KDM4C: variants seen among roughly 807,000 people sequenced by gnomAD.
KDM4C encodes lysine-specific demethylase 4C.
A neutral mutation model predicts 129.3 loss-of-function variants in KDM4C; 81 were observed. The observed-to-expected ratio is 0.63, with a 90% confidence interval of 0.52 to 0.75. The LOEUF is 0.75. Among genes scored for constraint, KDM4C ranks in the 30% least tolerant of loss-of-function variants. The pLI, the probability that KDM4C is intolerant of heterozygous loss-of-function variation, is 0.00. For synonymous variants in KDM4C, 573 were observed against 456.1 expected, an observed-to-expected ratio of 1.26 and a Z score of -3.26; for missense variants, 1,457 against 1,304.0, an observed-to-expected ratio of 1.12 and a Z score of -1.81.
chr9:6,880,119 G>A (rs1009421367), intron 6 of KDM4C, 58 bp downstream of exon 6: 2 of 1,162,234 alleles, frequency 1.7e-6, no homozygotes, highest in Non-Finnish European at 2.5e-6. Flanking sequence ...TGTTTTGTAG[G>A]TTCTTTGTTT....
chr9:7,105,715 T>G (rs1290209803), intron 18 of KDM4C, among the ~76,000 whole-genome samples: 1 of 152,198 alleles, frequency 6.6e-6, no homozygotes. Context: ...CATTACCGTT[T>G]TAATATTCCA....
intron 5 of KDM4C, among the ~76,000 whole-genome samples, chr9:6,861,517 A>G (rs1409446187): frequency 6.6e-6 from 1 of 152,224 alleles, no homozygotes; most frequent in Non-Finnish European, 1.5e-5. Flanking sequence ...AAAACTGCTT[A>G]TTAGAAATGT....
chr9:6,881,848 A>T (rs992433869), intron 6 of KDM4C, among the ~76,000 whole-genome samples: 1 of 152,238 alleles, frequency 6.6e-6, no homozygotes, highest in Non-Finnish European at 1.5e-5. Flanking sequence ...AAATAATTGA[A>T]TTCTGCTAAA....
intron 12 of KDM4C, among the ~76,000 whole-genome samples, chr9:6,991,307 C>G (rs560584138): frequency 8.9e-4 from 136 of 152,136 alleles, no homozygotes; most frequent in Middle Eastern, 3.4e-3. Context: ...TAGTCTTGAA[C>G]TCCTGAGCTC....
At chr9:6,876,362 A>G (rs761612211) in intron 5 of KDM4C, among the ~76,000 whole-genome samples, 10 of 152,176 alleles carry the variant, frequency 6.6e-5, no homozygotes, top group Non-Finnish European at 1.0e-4. Flanking sequence ...CTGACAGTGT[A>G]TAATGAGCTC....
rs571879539 is a variant in KDM4C, at chr9:7,169,322, T to C, written c.2902-476T>C. On this transcript the variant is annotated intron_variant, in intron 20 of 21. Coordinates refer to ENST00000381309, the MANE Select transcript of KDM4C (RefSeq NM_015061.6). ...TTTTGGCCTGTTTTGAAATGTATTT[T>C]GTATTTAGTTTATTTATTTATTTTT... Among the ~76,000 whole-genome samples, 160 of 152,294 alleles carry C rather than the reference T, an allele frequency of 1.1e-3. 3 individuals carry two copies. The South Asian group carries it at 0.031, about 30-fold the overall frequency.
intron 17 of KDM4C, chr9:7,076,587 T>C: frequency 9.5e-6 from 14 of 1,479,726 alleles, no homozygotes; most frequent in Non-Finnish European, 1.3e-5. Flanking sequence ...GCCAGCATCG[T>C]GTTTAGGATG....
chr9:6,857,751 T>C (rs1348409973), intron 5 of KDM4C, among the ~76,000 whole-genome samples: 1 of 149,540 alleles, frequency 6.7e-6, no homozygotes, highest in African/African-American at 2.4e-5. Context: ...AGTAGCCAGC[T>C]GTACTTTTTT....
chr9:7,160,920 C>A (rs1376549594), intron 19 of KDM4C, among the ~76,000 whole-genome samples: 1 of 152,250 alleles, frequency 6.6e-6, no homozygotes, highest in Non-Finnish European at 1.5e-5. Context: ...TTTTGTTCAG[C>A]TATGCCCTGC....
At chr9:6,753,235 A>C (rs1477806248), upstream of KDM4C, among the ~76,000 whole-genome samples, 1 of 152,182 alleles carries the variant, frequency 6.6e-6, no homozygotes, top group Non-Finnish European at 1.5e-5. Context: ...TAAGGATTTC[A>C]TGGATCTAAA....
At chr9:7,044,775 G>T (rs1829148410) in intron 15 of KDM4C, among the ~76,000 whole-genome samples, 1 of 151,934 alleles carries the variant, frequency 6.6e-6, no homozygotes, top group Non-Finnish European at 1.5e-5. Flanking sequence ...CAGGGTAGTG[G>T]ATCAGATGCT....
At chr9:7,141,414 C>T (rs1003706398) in intron 19 of KDM4C, among the ~76,000 whole-genome samples, 1 of 152,122 alleles carries the variant, frequency 6.6e-6, no homozygotes, top group African/African-American at 2.4e-5. Context: ...TGCCTGAATA[C>T]TGGGAGGCCA....
chr9:7,074,871 C>T (rs890815368), intron 17 of KDM4C, among the ~76,000 whole-genome samples: 1 of 152,110 alleles, frequency 6.6e-6, no homozygotes, highest in African/African-American at 2.4e-5. Context: ...GCACATTTTA[C>T]ATGAAAAGGT....
At chr9:7,025,010 T>C (rs1234097561) in intron 15 of KDM4C, among the ~76,000 whole-genome samples, 2 of 152,210 alleles carry the variant, frequency 1.3e-5, no homozygotes, top group Non-Finnish European at 2.9e-5. Context: ...TTCGTGACTT[T>C]TAATGTTTTC....
At chr9:6,864,853 C>A (rs1841632517) in intron 5 of KDM4C, among the ~76,000 whole-genome samples, 2 of 151,040 alleles carry the variant, frequency 1.3e-5, no homozygotes, top group South Asian at 4.2e-4. Context: ...TATGTATGTG[C>A]CTGTCTTCAA....
At chr9:6,960,117 T>C (rs61336896) in intron 8 of KDM4C, among the ~76,000 whole-genome samples, 11,270 of 151,786 alleles carry the variant, frequency 0.074, 1,079 homozygotes, top group African/African-American at 0.22. Flanking sequence ...AAAGTCACAA[T>C]GGAGAAAAAG....
At chr9:7,114,773 C>T (rs563263392) in intron 18 of KDM4C, among the ~76,000 whole-genome samples, 31 of 152,260 alleles carry the variant, frequency 2.0e-4, no homozygotes, top group Non-Finnish European at 3.8e-4. Flanking sequence ...AGCCCCTTAG[C>T]AGACCTAGAC....
intron 17 of KDM4C, among the ~76,000 whole-genome samples, chr9:7,062,661 G>A (rs1409080215): frequency 6.6e-6 from 1 of 152,032 alleles, no homozygotes; most frequent in Non-Finnish European, 1.5e-5. Context: ...TGGGATTATA[G>A]GCATGCGCCA....
intron 8 of KDM4C, among the ~76,000 whole-genome samples, chr9:6,963,895 A>C (rs1225601354): frequency 1.3e-5 from 2 of 152,094 alleles, no homozygotes; most frequent in Non-Finnish European, 2.9e-5. Context: ...TCACTTTTTT[A>C]GCTATTCCTA....
Sources: allele counts gnomAD v4.1 joint callset (sites outside exome capture counted in the v4.1 genomes callset), GRCh38; gene constraint gnomAD v4.1.1; transcripts MANE v1.5; gene names NCBI Gene and HGNC (gene_info 2026-07-23, HGNC 2026-07-21).